LAMA5: variants seen among roughly 807,000 people sequenced by gnomAD.
LAMA5 encodes laminin subunit alpha-5.
In LAMA5, 260 loss-of-function variants were observed where a neutral mutation model predicts 433.4. The ratio of observed to expected loss-of-function variants is 0.60; its 90% CI spans 0.54 to 0.66. The LOEUF is 0.66. LAMA5 is among the 30% of genes least tolerant of loss of function. The probability of loss-of-function intolerance (pLI) is 0.00; values close to 1 mark genes in which losing one functional copy is unlikely to be tolerated. For synonymous variants in LAMA5, 2,620 were observed against 2,226.6 expected (o/e 1.18, Z -4.97); for missense variants, 5,378 against 5,258.5 (o/e 1.02, Z -0.70).
chr20:62,330,982 G>A (rs1381237236), intron 29 of LAMA5, 38 bp from the exon 30 acceptor site: 28 of 1,564,964 alleles, frequency 1.8e-5, no homozygotes, highest in East Asian at 4.8e-5. Flanking sequence ...AGCCGGCCCT[G>A]CCGCCGGGCC....
rs749945088 is a variant in LAMA5 at position 62,332,484 on chromosome 20, T to TG, written c.3444-5dup. 7.4e-6 allele frequency: 12 copies of TG among 1,611,608 alleles called. No homozygotes were observed. The highest frequency in any genetic ancestry group is 1.7e-4 in the Middle Eastern group (1 of 5,954). On this transcript the variant is annotated splice_polypyrimidine_tract_variant and splice_region_variant and intron_variant, in intron 27 of 79. Coordinates refer to ENST00000252999, the MANE Select transcript of LAMA5 (RefSeq NM_005560.6). ...GGCAGTGCCCCGGCACAGGGTGCTG[T>TG]GGGGGGAGGGTGGTCAGCAGGTGGG...
chr20:62,335,554 G>GCC (rs573307390), intron 18 of LAMA5, among the ~76,000 whole-genome samples: 4 of 100,268 alleles, frequency 4.0e-5, no homozygotes, highest in African/African-American at 1.2e-4. Flanking sequence ...TCAGACTCCA[G>GCC]CCCCCCCCCA....
At chr20:62,318,771 G>A (rs1987330468) in intron 52 of LAMA5, 72 bp downstream of exon 52, 3 of 1,578,788 alleles carry the variant, frequency 1.9e-6, no homozygotes, top group Non-Finnish European at 2.6e-6. Flanking sequence ...GCCACTCCAT[G>A]CTGACCTCCC....
At chr20:62,336,311 T>TG (rs750924512) in intron 18 of LAMA5, 29 bp downstream of exon 18, 54 of 1,501,462 alleles carry the variant, frequency 3.6e-5, no homozygotes, top group Admixed American at 5.7e-5. Context: ...AAGGAACCCC[T>TG]GTACCCCAAT....
rs60260941 is a variant in LAMA5 at position 62,320,318 on chromosome 20, C to CAAA, written c.6759+238_6759+240dup. 5.2e-3 allele frequency among the ~76,000 whole-genome samples: 261 copies of CAAA among 50,534 alleles called. 1 individual carries two copies. The highest frequency in any genetic ancestry group is 0.013 in the Middle Eastern group (1 of 78). The allele number at this position is 50,534 out of a possible 152,430, so 33.2% of individuals were successfully genotyped here. A position where few individuals can be genotyped will look rare whatever the true frequency, so the allele number is the denominator to read the frequency against. ...GGGCAACAAGAGCAAAACTGTGTCTCAAAAAAAAAAAAAAAAAAAAAAAAA... is the reference window on the plus strand; with the variant it reads ...GGGCAACAAGAGCAAAACTGTGTCTCAAAAAAAAAAAAAAAAAAAAAAAAAAAA... On this transcript the variant is annotated intron_variant, in intron 50 of 79. Coordinates refer to ENST00000252999, the MANE Select transcript of LAMA5 (RefSeq NM_005560.6).
intron 1 of LAMA5, among the ~76,000 whole-genome samples, chr20:62,366,217 G>A (rs1310960268): frequency 1.3e-5 from 2 of 152,210 alleles, no homozygotes. Flanking sequence ...AGGGCCCCAA[G>A]AGCCTTGGTT....
At chr20:62,364,060 G>A (rs1343211804) in intron 1 of LAMA5, among the ~76,000 whole-genome samples, 4 of 152,164 alleles carry the variant, frequency 2.6e-5, no homozygotes, top group Non-Finnish European at 5.9e-5. Flanking sequence ...GCAGTGGCAG[G>A]GTCCACACCC....
At chr20:62,340,305 G>GTTTTTTTTTTTTTTTTTTTTTTT (rs34415039) in intron 11 of LAMA5, among the ~76,000 whole-genome samples, 1 of 99,464 alleles carries the variant, frequency 1.0e-5, no homozygotes. Context: ...AGCCTCCTTT[G>GTTTTTTTTTTTTTTTTTTTTTTT]TTTTTTTTTT....
intron 28 of LAMA5, among the ~76,000 whole-genome samples, chr20:62,331,450 C>T (rs971990827): frequency 2.0e-4 from 30 of 152,132 alleles, no homozygotes; most frequent in Non-Finnish European, 3.7e-4. Flanking sequence ...AACCGCAGAC[C>T]AGCGTGTTGG....
intron 62 of LAMA5, 74 bp from the exon 63 acceptor site, chr20:62,313,876 G>C (rs1357293230): frequency 2.5e-6 from 3 of 1,180,498 alleles, no homozygotes; most frequent in Non-Finnish European, 2.4e-6. Context: ...GAGAGATGAG[G>C]GGTGGCGAGT....
rs377124697 is a variant in LAMA5, at chr20:62,314,731, G to A, written c.8197-6C>T. 15 of 1,612,398 alleles carry A rather than the reference G, an allele frequency of 9.3e-6. No homozygotes were observed. In the Admixed American group the frequency reaches 1.8e-4, roughly 20 times the overall value. ...AACTTCATGGGCACCTTGACCTGCG[G>A]GGCACGGTCCATCAGCGTCCACCAC... On this transcript the variant is annotated splice_polypyrimidine_tract_variant and splice_region_variant and intron_variant, in intron 60 of 79. Transcript: ENST00000252999.
Position 62,348,114 on chromosome 20 carries a change from G to A in LAMA5, c.957-1086C>T, listed in dbSNP as rs73313231. On this transcript the variant is annotated intron_variant, in intron 6 of 79. Transcript: ENST00000252999. ...ATAGGAAAAGTGGTGCCGGGCTGGC[G>A]ATACCCTGGGGTGTATAGCAAAAGC... Among the ~76,000 whole-genome samples, 637 of 152,296 alleles carry A rather than the reference G, an allele frequency of 4.2e-3. 5 individuals are homozygous for A. Among genetic ancestry groups the A allele is most frequent in the African/African-American group, 0.014 (593 of 41,546 alleles).
Position 62,324,083 on chromosome 20 carries a change from T to C in LAMA5, c.5765A>G (p.Asn1922Ser), listed in dbSNP as rs1003093139. 2 of 1,506,586 alleles carry C rather than the reference T, an allele frequency of 1.3e-6. No individual in the cohort carries two copies. The highest frequency in any genetic ancestry group is 2.4e-5 in the East Asian group (1 of 42,548). The allele number at this position is 1,506,586 out of a possible 1,614,324, so 93.3% of individuals were successfully genotyped here. ...TCCCGGGAGGAGGCTGGCTTACTTG[T>C]TGGAAGGCACTGAGAGGGGGCAGGG... Reference protein sequence around the residue: ...SCPCPLSVPSNNFAEGCVLRG... With the variant: ...SCPCPLSVPSSNFAEGCVLRG... The change falls in exon 43 of 80, where the codon AAC becomes AGC. Residue 1922 changes from asparagine (N) to serine (S), a missense_variant. Physicochemically the swap from Asn to Ser is conservative, Grantham distance 46. Coordinates refer to ENST00000252999, the MANE Select transcript of LAMA5 (RefSeq NM_005560.6). This position sits in a 1 kb window ranked among gnomAD's most constrained non-coding sequence, Gnocchi z 4.4.
In LAMA5 at chr20:62,337,849, A is replaced by C; in HGVS notation, c.1981T>G (p.Cys661Gly). ...RCRPGYTGTA[C>G]QECSPGFHGF... The stretch of plus-strand genomic sequence containing the variant: ...TGAAAGCCGGGGCTGCATTCCTGGC[A>C]GGCAGTGCCTGTGTAGCCGGGGCGG... Residue 661 changes from cysteine to glycine, a missense_variant, in exon 15 of 80, where the codon TGC becomes GGC. By Grantham distance (159) the Cys-to-Gly change is radical. Transcript: ENST00000252999. 6.2e-7 allele frequency: 1 copy of C among 1,612,744 alleles called. No homozygotes were observed. The highest frequency in any genetic ancestry group is 8.5e-7 in the Non-Finnish European group (1 of 1,179,946).
chr20:62,312,594 AGCCTGGCCTCGGAGCCCCAGCT>A lies in LAMA5; in HGVS notation c.9227+16_9227+37del. 6 of 1,600,406 alleles carry A rather than the reference AGCCTGGCCTCGGAGCCCCAGCT, an allele frequency of 3.7e-6. No homozygotes were observed. Among genetic ancestry groups the A allele is most frequent in the Non-Finnish European group, 5.1e-6 (6 of 1,176,760 alleles). On this transcript the variant is annotated intron_variant, in intron 67 of 79. Transcript: ENST00000252999. Reference sequence around the variant, plus strand: ...TCCAAGCCCAGCCTACCGCCCCAACAGCCTGGCCTCGGAGCCCCAGCTGCGCACAGTGCTTACCTCGGGGGCA... The same window carrying A: ...TCCAAGCCCAGCCTACCGCCCCAACAGCGCACAGTGCTTACCTCGGGGGCA...
intron 2 of LAMA5, among the ~76,000 whole-genome samples, chr20:62,355,934 C>T (rs1346032411): frequency 2.0e-5 from 3 of 152,180 alleles, no homozygotes; most frequent in Non-Finnish European, 2.9e-5. Context: ...CCCGACTGAG[C>T]CCCCTGGGAG....
At position 62,329,889 on chromosome 20, in the gene LAMA5, T is replaced by C. The variant is rs148240274; in HGVS notation, c.4007A>G (p.His1336Arg). The C allele has an allele frequency of 1.4e-4, 218 of 1,612,056 alleles. No homozygotes were observed. Among genetic ancestry groups the C allele is most frequent in the Admixed American group, 3.5e-4 (21 of 59,968 alleles). Residue 1336 changes from histidine (H) to arginine (R), a missense_variant, in exon 32 of 80, where the codon CAT becomes CGT. Physicochemically the swap from His to Arg is conservative, Grantham distance 29. Coordinates refer to ENST00000252999, the MANE Select transcript of LAMA5 (RefSeq NM_005560.6). Reference protein sequence around the residue: ...QGHANASFCPHGYGCRTLVVC... With the variant: ...QGHANASFCPRGYGCRTLVVC... ...CACCAGGGTGCGGCAGCCGTAGCCA[T>C]GTGGACAGAAGCTGGCGTTGGCGTG...
chr20:62,329,626 G>T, intron 32 of LAMA5, 151 bp downstream of exon 32: 1 of 950,796 alleles, frequency 1.1e-6, no homozygotes, highest in Non-Finnish European at 1.6e-6. Context: ...AAGGTGGATC[G>T]GGAGGTCCCC....
chr20:62,334,765 G>GAGGGCGAGGGCA (rs1981247761), intron 20 of LAMA5, 144 bp from the exon 21 acceptor site: 6 of 582,446 alleles, frequency 1.0e-5, no homozygotes, highest in African/African-American at 6.8e-5. Flanking sequence ...GGGCGAGGGC[G>GAGGGCGAGGGCA]AGGGCGAGGG....
Sources: gnomAD v4.1 joint callset for allele counts (sites outside exome capture counted in the v4.1 genomes callset) on GRCh38, gnomAD v4.1.1 for gene constraint, Gnocchi (gnomAD v3.1) non-coding constraint, MANE v1.5 for transcripts, NCBI Gene and HGNC (gene_info 2026-07-23, HGNC 2026-07-21) for gene names.